Variants in ALDH2 observed in about 807,000 individuals in gnomAD.
The protein encoded by ALDH2 is aldehyde dehydrogenase, mitochondrial.
In ALDH2, 44 loss-of-function variants were observed where a neutral mutation model predicts 59.6. The ratio of observed to expected loss-of-function variants is 0.74; its 90% CI spans 0.58 to 0.95. The LOEUF is 0.95. Ranked by LOEUF, ALDH2 falls within the 40% of genes least tolerant of loss-of-function variation. The pLI, the probability that ALDH2 is intolerant of heterozygous loss-of-function variation, is 0.00. For missense variants in ALDH2, 570 were observed against 696.3 expected (o/e 0.82, Z 2.04); for synonymous variants, 291 against 284.0 (o/e 1.02, Z -0.25).
At chr12:111,795,126 G>A (rs1393353237) in intron 9 of ALDH2, among the ~76,000 whole-genome samples, 4 of 152,118 alleles carry the variant, frequency 2.6e-5, no homozygotes, top group South Asian at 2.1e-4. Flanking sequence ...ATGTTTTAAA[G>A]GTTCATCCAT....
intron 10 of ALDH2, among the ~76,000 whole-genome samples, chr12:111,799,239 A>G (rs553689404): frequency 6.6e-6 from 1 of 150,816 alleles, no homozygotes; most frequent in Admixed American, 6.6e-5. Flanking sequence ...ATCTCAGCTC[A>G]CTGCAACCTC....
chr12:111,806,891 C>G (rs1361018673), intron 12 of ALDH2, among the ~76,000 whole-genome samples: 2 of 151,534 alleles, frequency 1.3e-5, no homozygotes, highest in African/African-American at 4.9e-5. Context: ...GTTGCCTGAA[C>G]CCGGGAGGTG....
chr12:111,779,237 A>G (rs932307763), intron 1 of ALDH2, among the ~76,000 whole-genome samples: 3 of 151,006 alleles, frequency 2.0e-5, no homozygotes, highest in Non-Finnish European at 4.4e-5. Context: ...CCCATGCTGG[A>G]GGCAGTGGTG....
chr12:111,785,139 C>T (rs2068300431), intron 3 of ALDH2, 128 bp from the exon 4 acceptor site: 1 of 764,080 alleles, frequency 1.3e-6, no homozygotes, highest in Non-Finnish European at 2.4e-6. Flanking sequence ...ACATTTGGGG[C>T]ACAAAGCGGA....
rs1282117386 is a variant in ALDH2 at position 111,791,349 on chromosome 12, G to A, written c.725G>A (p.Gly242Asp). The A allele has an allele frequency of 6.2e-7, 1 of 1,614,136 alleles. No individual in the cohort carries two copies. The highest frequency in any genetic ancestry group is 1.1e-5 in the South Asian group (1 of 91,076). The change falls in exon 7 of 13, where the codon GGC (glycine) becomes GAC (aspartate). Residue 242 changes from glycine to aspartate, a missense_variant. Coordinates refer to ENST00000261733, the MANE Select transcript of ALDH2 (RefSeq NM_000690.4). ...GTGGTCAACATTGTGCCTGGATTTG[G>A]CCCCACGGCTGGGGCCGCCATTGCC... ...PGVVNIVPGFGPTAGAAIASH... is the reference protein window; with the variant it reads ...PGVVNIVPGFDPTAGAAIASH...
chr12:111,806,369 GA>G (rs1286855079), intron 12 of ALDH2, among the ~76,000 whole-genome samples: 1 of 151,764 alleles, frequency 6.6e-6, no homozygotes, highest in Non-Finnish European at 1.5e-5. Context: ...ACACTGAAGT[GA>G]AAATGATTTA....
chr12:111,804,115 G>A (rs760240380), intron 12 of ALDH2, 142 bp downstream of exon 12: 3 of 537,534 alleles, frequency 5.6e-6, no homozygotes, highest in Non-Finnish European at 9.6e-6. Context: ...CTCAGGGCCT[G>A]CTGGAAGTTC....
At chr12:111,778,554 GA>G (rs1316032980) in intron 1 of ALDH2, among the ~76,000 whole-genome samples, 11 of 138,534 alleles carry the variant, frequency 7.9e-5, no homozygotes, top group African/African-American at 1.3e-4. Flanking sequence ...TAAAAAAAAA[GA>G]AAAAAAAAAC....
chr12:111,777,874 GACTA>G (rs1046457894), intron 1 of ALDH2, among the ~76,000 whole-genome samples: 15 of 152,254 alleles, frequency 9.9e-5, no homozygotes, highest in Admixed American at 3.9e-4. Context: ...ATTAACGATT[GACTA>G]ACTAATATGA....
intron 4 of ALDH2, 53 bp from the exon 5 acceptor site, chr12:111,789,770 G>T: frequency 1.4e-6 from 2 of 1,465,840 alleles, no homozygotes; most frequent in South Asian, 2.3e-5. Flanking sequence ...GCCAGGGTTT[G>T]CAGGGGTCCC....
intron 12 of ALDH2, 140 bp from the exon 13 acceptor site, chr12:111,809,403 G>A: frequency 1.2e-6 from 1 of 855,870 alleles, no homozygotes; most frequent in South Asian, 1.7e-5. Context: ...GTAGTGAGCT[G>A]TAATTGCACC....
At chr12:111,794,768 A>G (rs1173502439) in intron 9 of ALDH2, among the ~76,000 whole-genome samples, 1 of 151,984 alleles carries the variant, frequency 6.6e-6, no homozygotes, top group Admixed American at 6.6e-5. Context: ...CAGCCTCCCA[A>G]AGTCCTGGGA....
chr12:111,787,267 G>A (rs997161006), intron 4 of ALDH2, among the ~76,000 whole-genome samples: 1 of 152,092 alleles, frequency 6.6e-6, no homozygotes, highest in Non-Finnish European at 1.5e-5. Flanking sequence ...GAGTCAAGAG[G>A]TCTCTAATGC....
chr12:111,768,393 G>A (rs1326626006), intron 1 of ALDH2, among the ~76,000 whole-genome samples: 2 of 152,230 alleles, frequency 1.3e-5, no homozygotes, highest in Non-Finnish European at 2.9e-5. Flanking sequence ...GCACATGCGT[G>A]TGATTTTAGG....
At position 111,811,503 on chromosome 12, in the gene ALDH2, TC is replaced by T. The variant is rs1383911705; in HGVS notation, c.*1929del. 1 of 150,912 alleles carries T rather than the reference TC, an allele frequency of 6.6e-6. No homozygotes were observed. The highest frequency in any genetic ancestry group is 1.5e-5 in the Non-Finnish European group (1 of 67,788). The allele number at this position is 150,912 out of a possible 1,614,324, so 9.3% of individuals were successfully genotyped here. On this transcript the variant is annotated 3_prime_UTR_variant, in exon 13 of 13. Coordinates refer to ENST00000261733, the MANE Select transcript of ALDH2 (RefSeq NM_000690.4). The stretch of plus-strand genomic sequence containing the variant: ...CTTCTTTTTTTTTTGAGACTGAGTC[TC>T]GGTCTGTCGCCCAGGCTGGAGTGCA...
chr12:111,808,486 C>T (rs1035757946), intron 12 of ALDH2, among the ~76,000 whole-genome samples: 3 of 152,128 alleles, frequency 2.0e-5, no homozygotes, highest in Non-Finnish European at 4.4e-5. Flanking sequence ...AGGTGAATCA[C>T]CTGAGGTCAG....
chr12:111,773,294 G>C (rs1208348958), intron 1 of ALDH2, among the ~76,000 whole-genome samples: 1 of 152,112 alleles, frequency 6.6e-6, no homozygotes, highest in Non-Finnish European at 1.5e-5. Flanking sequence ...AACACAAATG[G>C]GCATTCAATA....
intron 11 of ALDH2, among the ~76,000 whole-genome samples, chr12:111,802,680 A>T (rs1408872349): frequency 6.6e-6 from 1 of 151,394 alleles, no homozygotes; most frequent in Admixed American, 6.6e-5. Context: ...GAAGATCAAG[A>T]CCATCCTGGC....
In ALDH2 at chr12:111,798,192, C is replaced by G; in HGVS notation, c.1198C>G (p.Pro400Ala). The G allele has an allele frequency of 1.9e-6, 3 of 1,603,586 alleles. No homozygotes were observed. Among genetic ancestry groups the G allele is most frequent in the Non-Finnish European group, 2.6e-6 (3 of 1,174,938 alleles). ...IAADRGYFIQ[P>A]TVFGDVQDGM... is the part of the protein sequence containing the mutation. The stretch of plus-strand genomic sequence containing the variant: ...TGCTGACCGTGGTTACTTCATCCAG[C>G]CCACTGTGTTTGGAGATGTGCAGGA... The change falls in exon 10 of 13, where the codon CCC becomes GCC. Residue 400 changes from proline (P) to alanine (A), a missense_variant. By Grantham distance (27) the Pro-to-Ala change is conservative. Transcript: ENST00000261733.
Sources: allele counts gnomAD v4.1 joint callset (sites outside exome capture counted in the v4.1 genomes callset), GRCh38; gene constraint gnomAD v4.1.1; transcripts MANE v1.5; gene names NCBI Gene and HGNC (gene_info 2026-07-23, HGNC 2026-07-21).